The following B4GALT1 variants were observed in gnomAD, a reference collection of about 807,000 sequenced individuals.
B4GALT1 encodes the protein N-acetyllactosamine synthase.
In B4GALT1, 16 loss-of-function variants were observed where a neutral mutation model predicts 34.9. The ratio of observed to expected loss-of-function variants is 0.46; its 90% CI spans 0.31 to 0.70. B4GALT1 has a LOEUF of 0.70. B4GALT1 is among the 30% of genes least tolerant of loss of function. B4GALT1 has a pLI of 0.05. For missense variants in B4GALT1, 445 were observed against 530.5 expected (o/e 0.84, Z 1.58); for synonymous variants, 221 against 218.1 (o/e 1.01, Z -0.12).
chr9:33,122,510 A>AT, intron 2 of B4GALT1, among the ~76,000 whole-genome samples: 1 of 132,878 alleles, frequency 7.5e-6, no homozygotes, highest in African/African-American at 2.8e-5. Context: ...CCCATCTCAA[A>AT]AAAATAAATA....
downstream of B4GALT1, among the ~76,000 whole-genome samples, chr9:33,107,768 C>T (rs765288028): frequency 6.6e-6 from 1 of 152,164 alleles, no homozygotes; most frequent in Non-Finnish European, 1.5e-5. Context: ...TCCTCCCTCC[C>T]TGGTCCCTTG....
At chr9:33,184,677 C>G in the B4GALT1 span, among the ~76,000 whole-genome samples, 1 of 152,184 alleles carries the variant, frequency 6.6e-6, no homozygotes. Flanking sequence ...CCAACAAGCT[C>G]TCGGGCAATA....
intron 2 of B4GALT1, among the ~76,000 whole-genome samples, chr9:33,126,055 G>A (rs747406539): frequency 5.9e-5 from 9 of 152,094 alleles, no homozygotes; most frequent in Non-Finnish European, 1.0e-4. Context: ...ACATGCCCTG[G>A]CTCATCACAG....
At chr9:33,119,316 G>A (rs1256926547) in intron 3 of B4GALT1, among the ~76,000 whole-genome samples, 1 of 152,220 alleles carries the variant, frequency 6.6e-6, no homozygotes, top group African/African-American at 2.4e-5. Flanking sequence ...TACGCTAGTC[G>A]GGCATCTGGG....
At chr9:33,142,086 G>A (rs965960645) in intron 1 of B4GALT1, among the ~76,000 whole-genome samples, 2 of 152,002 alleles carry the variant, frequency 1.3e-5, no homozygotes, top group Non-Finnish European at 1.5e-5. Flanking sequence ...GGGTTCAAGC[G>A]ATTCTCCTGC....
At chr9:33,136,090 CG>C (rs1304858916) in intron 1 of B4GALT1, among the ~76,000 whole-genome samples, 4 of 151,416 alleles carry the variant, frequency 2.6e-5, no homozygotes, top group African/African-American at 9.7e-5. Flanking sequence ...CAAAGGAGAC[CG>C]AGGGAAAATA....
upstream of B4GALT1, chr9:33,167,396 G>C (rs569935693): frequency 1.2e-5 from 5 of 434,056 alleles, no homozygotes; most frequent in Non-Finnish European, 1.5e-5. Flanking sequence ...GGCGAAGGCG[G>C]GGGCGGGGCC....
At chr9:33,138,248 C>T (rs1195363828) in intron 1 of B4GALT1, among the ~76,000 whole-genome samples, 3 of 152,178 alleles carry the variant, frequency 2.0e-5, no homozygotes, top group African/African-American at 4.8e-5. Flanking sequence ...GCCTGGGCCC[C>T]GGTCCAGCTC....
At chr9:33,114,225 G>A (rs888132541) in intron 4 of B4GALT1, among the ~76,000 whole-genome samples, 2 of 152,260 alleles carry the variant, frequency 1.3e-5, no homozygotes, top group African/African-American at 4.8e-5. Context: ...CACAGAGGAA[G>A]AAGCATAGAG....
At chr9:33,106,350 T>C (rs183493164), downstream of B4GALT1, among the ~76,000 whole-genome samples, 397 of 152,292 alleles carry the variant, frequency 2.6e-3, no homozygotes, top group East Asian at 0.026. Context: ...GCTCCCACGC[T>C]CCTCTTAACC....
upstream of B4GALT1, among the ~76,000 whole-genome samples, chr9:33,169,520 T>A (rs1329571517): frequency 2.9e-4 from 3 of 10,406 alleles, no homozygotes; most frequent in South Asian, 0.011. Context: ...CTGCTTGAAT[T>A]TTTTTTTTTT....
chr9:33,146,805 T>G (rs965995517), intron 1 of B4GALT1, among the ~76,000 whole-genome samples: 1 of 152,132 alleles, frequency 6.6e-6, no homozygotes, highest in Non-Finnish European at 1.5e-5. Context: ...GTGATTCTCT[T>G]GCCTCAGCCT....
chr9:33,125,132 T>G (rs1176548011), intron 2 of B4GALT1, among the ~76,000 whole-genome samples: 1 of 152,056 alleles, frequency 6.6e-6, no homozygotes, highest in African/African-American at 2.4e-5. Flanking sequence ...CCCAAATGAT[T>G]GAGCAGAGAC....
Position 33,113,116 on chromosome 9 carries a change from AT to A in B4GALT1, c.*337del. 3.0e-6 allele frequency: 1 copy of A among 328,280 alleles called. No individual in the cohort carries two copies. Among genetic ancestry groups the A allele is most frequent in the Non-Finnish European group, 5.8e-6 (1 of 172,850 alleles). The allele number at this position is 328,280 out of a possible 1,614,324, so 20.3% of individuals were successfully genotyped here. ...ATAATTTAAAGAAAAATTCTAACCT[AT>A]TTCACGACAATTTAGCAATTCTATC... On this transcript the variant is annotated 3_prime_UTR_variant, in exon 6 of 6. Coordinates refer to ENST00000379731, the MANE Select transcript of B4GALT1 (RefSeq NM_001497.4).
chr9:33,146,570 T>C (rs886940782), intron 1 of B4GALT1, among the ~76,000 whole-genome samples: 4 of 152,212 alleles, frequency 2.6e-5, no homozygotes, highest in Non-Finnish European at 5.9e-5. Context: ...CAGGGTCCCA[T>C]GCCTCACTGC....
In B4GALT1 at chr9:33,135,273, C is replaced by T. The variant is rs764363955; in HGVS notation, c.564G>A (p.Gln188=). The change falls in exon 2 of 6, where the codon CAG becomes CAA. Residue 188 remains glutamine, a synonymous_variant. Coordinates refer to ENST00000379731, the MANE Select transcript of B4GALT1 (RefSeq NM_001497.4). ...VAIIIPFRNR[Q]EHLKYWLYYL... Reference sequence around the variant, plus strand: ...AATATAGCCAGTACTTGAGGTGCTCCTGCCGGTTGCGGAATGGAATGATGA... The same window carrying T: ...AATATAGCCAGTACTTGAGGTGCTCTTGCCGGTTGCGGAATGGAATGATGA... The T allele has an allele frequency of 5.6e-6, 9 of 1,614,070 alleles. No individual in the cohort carries two copies. Among genetic ancestry groups the T allele is most frequent in the Non-Finnish European group, 5.1e-6 (6 of 1,180,054 alleles).
At chr9:33,104,561 A>C (rs1839779932) in exon 3 of B4GALT1, 1 of 345,398 alleles carries the variant, frequency 2.9e-6, no homozygotes, top group Non-Finnish European at 5.7e-6. Flanking sequence ...GTAGCCGCTG[A>C]AAAGCCAGTC....
chr9:33,166,687 G>A (rs1840760168), intron 1 of B4GALT1, 71 bp downstream of exon 1: 2 of 1,430,098 alleles, frequency 1.4e-6, no homozygotes, highest in Non-Finnish European at 1.8e-6. Flanking sequence ...CTGAGGGAAT[G>A]TCTGGGGGAC....
At chr9:33,106,647 C>G (rs547700952), downstream of B4GALT1, among the ~76,000 whole-genome samples, 4 of 152,186 alleles carry the variant, frequency 2.6e-5, no homozygotes, top group Non-Finnish European at 5.9e-5. Flanking sequence ...TAGCTTACCC[C>G]GTGATGCTCC....
Sources: allele counts gnomAD v4.1 joint callset (sites outside exome capture counted in the v4.1 genomes callset), GRCh38; gene constraint gnomAD v4.1.1; transcripts MANE v1.5; gene names NCBI Gene and HGNC (gene_info 2026-07-23, HGNC 2026-07-21).